The following ATP8A2 variants were observed in gnomAD, a reference collection of about 807,000 sequenced individuals.
ATP8A2 encodes ATPase phospholipid transporting 8A2.
A neutral mutation model predicts 165.6 loss-of-function variants in ATP8A2; 100 were observed. That is an observed-to-expected ratio of 0.60 (90% CI 0.51 to 0.71). ATP8A2 has a LOEUF of 0.71. ATP8A2 is among the 30% of genes least tolerant of loss of function. The probability of loss-of-function intolerance (pLI) is 0.00; values close to 1 mark genes in which losing one functional copy is unlikely to be tolerated. For missense variants in ATP8A2, 1,227 were observed against 1,479.5 expected (o/e 0.83, Z 2.80); for synonymous variants, 543 against 548.8 (o/e 0.99, Z 0.15).
At chr13:25,476,455 A>C (rs1427421493) in intron 2 of ATP8A2, among the ~76,000 whole-genome samples, 1 of 152,002 alleles carries the variant, frequency 6.6e-6, no homozygotes, top group African/African-American at 2.4e-5. Flanking sequence ...CGGCCAGCTA[A>C]TTTTTGAATT....
chr13:25,883,956 G>A (rs913025335), intron 33 of ATP8A2, among the ~76,000 whole-genome samples: 1 of 152,210 alleles, frequency 6.6e-6, no homozygotes, highest in African/African-American at 2.4e-5. Context: ...AGGAAGCAGA[G>A]CAAGGAGTAT....
chr13:25,601,144 G>A, intron 24 of ATP8A2, among the ~76,000 whole-genome samples: 1 of 152,154 alleles, frequency 6.6e-6, no homozygotes, highest in East Asian at 1.9e-4. Flanking sequence ...GACAACATCT[G>A]GGGCGCTAAC....
chr13:25,723,344 C>T (rs2043421960), intron 25 of ATP8A2, among the ~76,000 whole-genome samples: 1 of 152,188 alleles, frequency 6.6e-6, no homozygotes, highest in African/African-American at 2.4e-5. Flanking sequence ...TCTTTACCAG[C>T]CTCGTGAATA....
At chr13:25,883,350 C>T (rs1593499940) in intron 33 of ATP8A2, among the ~76,000 whole-genome samples, 1 of 152,066 alleles carries the variant, frequency 6.6e-6, no homozygotes, top group African/African-American at 2.4e-5. Context: ...ACCCAGGAGG[C>T]GGAGGTTGCA....
At chr13:25,812,779 C>G (rs76249427) in intron 27 of ATP8A2, among the ~76,000 whole-genome samples, 3,272 of 152,050 alleles carry the variant, frequency 0.022, 109 homozygotes, top group African/African-American at 0.075. Context: ...ATTTTTGACT[C>G]TTCAAGAAAT....
chr13:25,815,076 G>A (rs1926086), intron 27 of ATP8A2, among the ~76,000 whole-genome samples: 147,466 of 152,150 alleles, frequency 0.97, 71,616 homozygotes, highest in East Asian at 1. Context: ...AGACCTAAAC[G>A]TAAGACCTAA....
chr13:25,804,901 G>T (rs557205108), intron 27 of ATP8A2, among the ~76,000 whole-genome samples: 1 of 152,096 alleles, frequency 6.6e-6, no homozygotes, highest in African/African-American at 2.4e-5. Flanking sequence ...AAAATGAGGC[G>T]TTAAATGGTT....
At chr13:25,452,187 G>C (rs2035247479) in intron 1 of ATP8A2, among the ~76,000 whole-genome samples, 1 of 152,142 alleles carries the variant, frequency 6.6e-6, no homozygotes, top group African/African-American at 2.4e-5. Flanking sequence ...CCACAGGTTT[G>C]AGTGAGAGAA....
chr13:25,840,837 AT>A (rs1951733796), intron 30 of ATP8A2, among the ~76,000 whole-genome samples: 1 of 152,254 alleles, frequency 6.6e-6, no homozygotes, highest in African/African-American at 2.4e-5. Context: ...TCTGATGAGC[AT>A]AAGAGAAATT....
intron 36 of ATP8A2, among the ~76,000 whole-genome samples, chr13:26,016,939 G>T (rs766234281): frequency 6.6e-6 from 1 of 152,264 alleles, no homozygotes; most frequent in Non-Finnish European, 1.5e-5. Context: ...GACCCAGGGA[G>T]CTTAAAGATC....
intron 1 of ATP8A2, among the ~76,000 whole-genome samples, chr13:25,429,818 T>C (rs1462341991): frequency 6.6e-6 from 1 of 152,130 alleles, no homozygotes; most frequent in East Asian, 1.9e-4. Context: ...GGGAGCGCTC[T>C]CCAGGGCTTG....
At chr13:25,512,582 G>A (rs1189243609) in intron 2 of ATP8A2, among the ~76,000 whole-genome samples, 10 of 149,458 alleles carry the variant, frequency 6.7e-5, no homozygotes, top group Non-Finnish European at 6.0e-5. Context: ...CAGTAGGGGC[G>A]GCTGGGCAGA....
chr13:25,542,510 T>C (rs992390726), intron 9 of ATP8A2, among the ~76,000 whole-genome samples: 2 of 152,090 alleles, frequency 1.3e-5, no homozygotes. Context: ...TCTGTTATCT[T>C]TGTTCTTCTG....
chr13:25,563,174 C>G (rs900186281), intron 15 of ATP8A2, among the ~76,000 whole-genome samples: 3 of 152,166 alleles, frequency 2.0e-5, no homozygotes, highest in African/African-American at 7.2e-5. Context: ...CTTTGGGAGG[C>G]CGAGGTGGGT....
chr13:25,808,203 C>T (rs1950784278), intron 27 of ATP8A2, among the ~76,000 whole-genome samples: 1 of 151,188 alleles, frequency 6.6e-6, no homozygotes, highest in African/African-American at 2.4e-5. Context: ...AGTCATAGCT[C>T]ACTGAAGCTT....
At chr13:25,849,512 T>A (rs1951954783) in intron 30 of ATP8A2, among the ~76,000 whole-genome samples, 1 of 152,232 alleles carries the variant, frequency 6.6e-6, no homozygotes, top group African/African-American at 2.4e-5. Context: ...TCCTTGATCA[T>A]TTTGTCTCTT....
At chr13:25,762,983 C>T (rs1265237914) in intron 25 of ATP8A2, among the ~76,000 whole-genome samples, 1 of 152,114 alleles carries the variant, frequency 6.6e-6, no homozygotes, top group African/African-American at 2.4e-5. Flanking sequence ...GTAGGAAATC[C>T]CCTCTTTTAT....
intron 30 of ATP8A2, among the ~76,000 whole-genome samples, chr13:25,856,268 T>C (rs1952164243): frequency 6.6e-6 from 1 of 152,200 alleles, no homozygotes; most frequent in Non-Finnish European, 1.5e-5. Context: ...ATAAGAGTTT[T>C]ATAGTTTTAC....
rs1480295367 is a variant in ATP8A2 at position 25,581,765 on chromosome 13, G to A, written c.2008-54G>A. The A allele has an allele frequency of 1.1e-5, 17 of 1,522,858 alleles. No homozygotes were observed. The East Asian group carries it at 3.8e-4, about 34-fold the overall frequency. The allele number at this position is 1,522,858 out of a possible 1,614,324, so 94.3% of individuals were successfully genotyped here. On this transcript the variant is annotated intron_variant, in intron 22 of 36. Coordinates refer to ENST00000381655, the MANE Select transcript of ATP8A2 (RefSeq NM_016529.6). ...TGCCTTTCTTTGTCAGAATTTGTTA[G>A]TGCTGTTCTTAAGTATGTGCCAATC...
Sources: gnomAD v4.1 joint callset for allele counts (sites outside exome capture counted in the v4.1 genomes callset) on GRCh38, gnomAD v4.1.1 for gene constraint, MANE v1.5 for transcripts, NCBI Gene and HGNC (gene_info 2026-07-23, HGNC 2026-07-21) for gene names.